Variants in GIT1 observed in about 807,000 individuals in gnomAD.
The protein encoded by GIT1 is ARF GTPase-activating protein GIT1.
A neutral mutation model predicts 91.7 loss-of-function variants in GIT1; 14 were observed. The observed-to-expected ratio is 0.15, with a 90% CI of 0.10 to 0.24. GIT1 has a LOEUF of 0.24. Among genes scored for constraint, GIT1 ranks in the 10% least tolerant of loss-of-function variants. GIT1 has a pLI of 1.00. For missense variants in GIT1, 717 were observed against 1,024.9 expected (o/e 0.70, Z 4.10); for synonymous variants, 414 against 418.2 (o/e 0.99, Z 0.12).
rs2033147186 is a variant in GIT1 at position 29,575,217 on chromosome 17, C to T, written c.2009+71G>A. ...CCAGGGACAGCAGAACCCAGGGCCC[C>T]TCATGCTCTCTGCAACACCCTAGAA... is the stretch of plus-strand genomic sequence containing the variant. On this transcript the variant is annotated intron_variant, in intron 18 of 19. Transcript: ENST00000225394. The surrounding 1 kb of genome is among the most constrained non-coding windows in gnomAD (Gnocchi z 5.5). 1 of 1,556,914 alleles carries T rather than the reference C, an allele frequency of 6.4e-7. No individual in the cohort carries two copies. Among genetic ancestry groups the T allele is most frequent in the Non-Finnish European group, 8.8e-7 (1 of 1,141,948 alleles).
Position 29,574,531 on chromosome 17 carries a change from C to T in GIT1, c.*171G>A, listed in dbSNP as rs2033114325. 1.5e-6 allele frequency: 1 copy of T among 685,228 alleles called. No individual in the cohort carries two copies. The highest frequency in any genetic ancestry group is 2.6e-6 in the Non-Finnish European group (1 of 380,120). 42.4% of individuals were successfully genotyped at this position (685,228 alleles called of 1,614,324 possible). A position where few individuals can be genotyped will look rare whatever the true frequency, so the allele number is the denominator to read the frequency against. ...GCTCCTGCCCCCCCACCTCCCCATC[C>T]TTAGGGGCTCGACAGGGGTGGGCAC... On this transcript the variant is annotated 3_prime_UTR_variant, in exon 20 of 20. Transcript: ENST00000225394.
At chr17:29,578,992 A>T in intron 7 of GIT1, 2 of 1,613,916 alleles carry the variant, frequency 1.2e-6, no homozygotes, top group Non-Finnish European at 1.7e-6. Flanking sequence ...CCGAGATCTA[A>T]GTCCAGAGGA....
At chr17:29,584,477 C>T (rs970213607) in intron 1 of GIT1, among the ~76,000 whole-genome samples, 5 of 152,192 alleles carry the variant, frequency 3.3e-5, no homozygotes, top group Non-Finnish European at 7.3e-5. Flanking sequence ...GTGGGAGTTC[C>T]GGGGTTCTTC....
Position 29,582,079 on chromosome 17 carries a change from G to A in GIT1, c.471C>T (p.Ala157=). ...ETCLRLLSLG[A]QANFFHPEKG... is the part of the protein sequence containing the mutation. ...TCTCTGGGTGGAAGAAGTTGGCCTG[G>A]GCACCCAGGGAGAGCAGGCGCAGAC... is the stretch of plus-strand genomic sequence containing the variant. Residue 157 remains alanine (A), a synonymous_variant, in exon 5 of 20, where the codon GCC becomes GCT. Transcript: ENST00000225394. 1 of 1,607,502 alleles carries A rather than the reference G, an allele frequency of 6.2e-7. No homozygotes were observed.
chr17:29,588,841 G>GC (rs1418319808), intron 1 of GIT1, among the ~76,000 whole-genome samples: 1 of 152,226 alleles, frequency 6.6e-6, no homozygotes, highest in Non-Finnish European at 1.5e-5. Flanking sequence ...CCCCACTGGC[G>GC]CATCTGCCCG....
Position 29,581,815 on chromosome 17 carries a change from C to G in GIT1, c.645G>C (p.Leu215=). 6.2e-7 allele frequency: 1 copy of G among 1,612,716 alleles called. No homozygotes were observed. Among genetic ancestry groups the G allele is most frequent in the Non-Finnish European group, 8.5e-7 (1 of 1,179,940 alleles). ...ATTGGCACTCAACCAGCCTTTCCGC[C>G]AGCTCATGGTGCCCCGCCTGCCTGT... ...DYARQAGHHE[L]AERLVECQYE... The change falls in exon 6 of 20, where the codon CTG becomes CTC. Residue 215 remains leucine (L), a synonymous_variant. Coordinates refer to ENST00000225394, the MANE Select transcript of GIT1 (RefSeq NM_014030.4). The surrounding 1 kb of genome is among the most constrained non-coding windows in gnomAD (Gnocchi z 4.8).
intron 1 of GIT1, among the ~76,000 whole-genome samples, chr17:29,585,640 C>T (rs1024145211): frequency 1.3e-5 from 2 of 152,264 alleles, no homozygotes; most frequent in East Asian, 3.9e-4. Flanking sequence ...TCTGGGCAGC[C>T]GCTATTGGTG....
chr17:29,583,523 T>C lies in GIT1; in HGVS notation c.146A>G (p.Lys49Arg), dbSNP rs1189103430. ...RSLGRHISIV[K>R]HLRHSAWPPT... ...AGGCCAGGCGCTGTGGCGAAGGTGC[T>C]TGACAATGGAGATGTGGCGTCCCAG... Residue 49 changes from lysine to arginine, a missense_variant, in exon 2 of 20, where the codon AAG becomes AGG. Lys to Arg is a conservative substitution (Grantham distance 26). Transcript: ENST00000225394. The C allele has an allele frequency of 5.0e-6, 8 of 1,612,554 alleles. No homozygotes were observed. The highest frequency in any genetic ancestry group is 5.9e-6 in the Non-Finnish European group (7 of 1,179,938).
intron 1 of GIT1, among the ~76,000 whole-genome samples, chr17:29,587,029 C>T (rs1032768227): frequency 3.9e-5 from 6 of 152,128 alleles, no homozygotes; most frequent in Middle Eastern, 3.2e-3. Flanking sequence ...ACCTCCATGA[C>T]CCCCCAAATT....
At chr17:29,585,441 T>C (rs923746141) in intron 1 of GIT1, among the ~76,000 whole-genome samples, 8 of 152,192 alleles carry the variant, frequency 5.3e-5, no homozygotes, top group Non-Finnish European at 8.8e-5. Flanking sequence ...CCACGGCCAA[T>C]GGCTCCAGAG....
In GIT1 at chr17:29,575,171, G is replaced by C. The variant is rs1248284972; in HGVS notation, c.2010-29C>G. The C allele has an allele frequency of 1.3e-6, 2 of 1,579,564 alleles. No homozygotes were observed. The highest frequency in any genetic ancestry group is 8.6e-7 in the Non-Finnish European group (1 of 1,157,884). Reference sequence around the variant, plus strand: ...CGGGGAGAAGGGAGGCTATAAAGCAGGGGGCTCTCAAGGGAGGTTCCCAGG... The same window carrying C: ...CGGGGAGAAGGGAGGCTATAAAGCACGGGGCTCTCAAGGGAGGTTCCCAGG... On this transcript the variant is annotated intron_variant, in intron 18 of 19. Transcript: ENST00000225394. The surrounding 1 kb of genome is among the most constrained non-coding windows in gnomAD (Gnocchi z 5.5).
At chr17:29,578,907 T>C in intron 7 of GIT1, 128 bp from the exon 8 acceptor site, 2 of 1,593,384 alleles carry the variant, frequency 1.3e-6, no homozygotes. Context: ...GCACACCAAA[T>C]GCCTCCCCGC....
intron 7 of GIT1, chr17:29,579,316 T>C (rs187685492): frequency 9.8e-6 from 4 of 406,184 alleles, no homozygotes; most frequent in Non-Finnish European, 1.8e-5. Context: ...TCTCCCTCCT[T>C]CTAGTTTTGT....
At chr17:29,586,917 T>C (rs1430982941) in intron 1 of GIT1, among the ~76,000 whole-genome samples, 2 of 152,170 alleles carry the variant, frequency 1.3e-5, no homozygotes, top group Admixed American at 6.5e-5. Flanking sequence ...AGCCATGTCA[T>C]GTCCAGCTGC....
At position 29,581,640 on chromosome 17, in the gene GIT1, C is replaced by T; in HGVS notation, c.718+102G>A. The T allele has an allele frequency of 1.1e-6, 1 of 882,404 alleles. No individual in the cohort carries two copies. The highest frequency in any genetic ancestry group is 1.8e-6 in the Non-Finnish European group (1 of 546,828). 54.7% of individuals were successfully genotyped at this position (882,404 alleles called of 1,614,324 possible). The stretch of plus-strand genomic sequence containing the variant: ...GTTGCCTAGCAACATTGCTCCCCAG[C>T]CGCTCTGTCACCATGGCACCTGCTG... On this transcript the variant is annotated intron_variant, in intron 6 of 19. Transcript: ENST00000225394. This position sits in a 1 kb window ranked among gnomAD's most constrained non-coding sequence, Gnocchi z 4.8.
chr17:29,580,620 G>A (rs1292687364), intron 7 of GIT1, among the ~76,000 whole-genome samples: 1 of 152,140 alleles, frequency 6.6e-6, no homozygotes, highest in Non-Finnish European at 1.5e-5. Flanking sequence ...GCACGCTAGA[G>A]GCCTAGCCAG....
At position 29,581,125 on chromosome 17, in the gene GIT1, C is replaced by A; in HGVS notation, c.761+213G>T. 1.7e-6 allele frequency: 1 copy of A among 591,530 alleles called. No homozygotes were observed. The highest frequency in any genetic ancestry group is 3.0e-6 in the Non-Finnish European group (1 of 329,918). 36.6% of individuals were successfully genotyped at this position (591,530 alleles called of 1,614,324 possible). On this transcript the variant is annotated intron_variant, in intron 7 of 19. Coordinates refer to ENST00000225394, the MANE Select transcript of GIT1 (RefSeq NM_014030.4). The surrounding 1 kb of genome is among the most constrained non-coding windows in gnomAD (Gnocchi z 4.8). The stretch of plus-strand genomic sequence containing the variant: ...AAGCCCTCCATGTACTTGACAGTCA[C>A]GGGGCTCAGGCTATGCGGGCCACAT...
chr17:29,583,358 G>T, intron 2 of GIT1, 125 bp downstream of exon 2: 3 of 971,242 alleles, frequency 3.1e-6, no homozygotes, highest in East Asian at 2.5e-5. Flanking sequence ...TCTGCCCTAG[G>T]GGGGTGCTGC....
At chr17:29,583,757 A>G in intron 1 of GIT1, 141 bp from the exon 2 acceptor site, 1 of 941,960 alleles carries the variant, frequency 1.1e-6, no homozygotes, top group South Asian at 1.7e-5. Context: ...TGGGACCATC[A>G]CTACGGCCAG....
Sources: gnomAD v4.1 joint callset for allele counts (sites outside exome capture counted in the v4.1 genomes callset) on GRCh38, gnomAD v4.1.1 for gene constraint, Gnocchi (gnomAD v3.1) non-coding constraint, MANE v1.5 for transcripts, NCBI Gene and HGNC (gene_info 2026-07-23, HGNC 2026-07-21) for gene names.